PRKD3: variants seen among roughly 807,000 people sequenced by gnomAD.
The protein encoded by PRKD3 is serine/threonine-protein kinase D3.
Under a neutral mutation model 99.2 loss-of-function variants are expected in PRKD3, and 47 were observed. The ratio of observed to expected loss-of-function variants is 0.47; its 90% CI spans 0.38 to 0.60. PRKD3 has a LOEUF of 0.60. Ranked by LOEUF, PRKD3 falls within the 20% of genes least tolerant of loss-of-function variation. The pLI, the probability that PRKD3 is intolerant of heterozygous loss-of-function variation, is 0.00. For missense variants in PRKD3, 1,019 were observed against 1,088.4 expected (o/e 0.94, Z 0.90); for synonymous variants, 392 against 355.4 (o/e 1.10, Z -1.16).
chr2:37,264,482 G>A (rs1255456753), intron 14 of PRKD3, among the ~76,000 whole-genome samples: 1 of 132,134 alleles, frequency 7.6e-6, no homozygotes, highest in Non-Finnish European at 1.6e-5. Context: ...GGTGATAAGT[G>A]CCATGGAGAA....
chr2:37,288,795 C>G (rs967408746), intron 5 of PRKD3, among the ~76,000 whole-genome samples: 3 of 152,172 alleles, frequency 2.0e-5, no homozygotes, highest in Non-Finnish European at 4.4e-5. Flanking sequence ...GTGCCTCATG[C>G]CTGCGATCCC....
intron 6 of PRKD3, among the ~76,000 whole-genome samples, chr2:37,285,862 G>C (rs1300627227): frequency 6.6e-6 from 1 of 152,022 alleles, no homozygotes; most frequent in African/African-American, 2.4e-5. Context: ...ATTACTATTA[G>C]TAGTTAATAG....
rs146226850 is a variant in PRKD3, at chr2:37,314,865, C to T, written c.288+1372G>A. The stretch of plus-strand genomic sequence containing the variant: ...GGAAGGGAAACTAAAAGCAAAGCTA[C>T]GGAAGGATACAATGCTCTACAGGTC... On this transcript the variant is annotated intron_variant, in intron 2 of 18. Transcript: ENST00000234179. Among the ~76,000 whole-genome samples, 56 of 152,126 alleles carry T rather than the reference C, an allele frequency of 3.7e-4. No individual in the cohort carries two copies. The East Asian group carries it at 9.3e-3, about 25-fold the overall frequency.
chr2:37,253,956 A>G (rs1411909339), intron 18 of PRKD3, among the ~76,000 whole-genome samples: 1 of 152,212 alleles, frequency 6.6e-6, no homozygotes, highest in Non-Finnish European at 1.5e-5. Context: ...CTAATCTTAC[A>G]AAAAGGTGAA....
In PRKD3 at chr2:37,262,900, C is replaced by CT. The variant is rs539857323; in HGVS notation, c.1885-2517_1885-2516insA. ...CAAAGTATCCTAAGATTCCTTCCCC[C>CT]CCCCGTATTTGTGGTTATCTCCCTA... On this transcript the variant is annotated intron_variant, in intron 14 of 18. Transcript: ENST00000234179. Among the ~76,000 whole-genome samples, 34 of 147,608 alleles carry CT rather than the reference C, an allele frequency of 2.3e-4. No individual in the cohort carries two copies. The East Asian group carries it at 5.4e-3, about 24-fold the overall frequency.
At chr2:37,271,167 A>C (rs1302966512) in intron 12 of PRKD3, among the ~76,000 whole-genome samples, 3 of 152,172 alleles carry the variant, frequency 2.0e-5, no homozygotes, top group Non-Finnish European at 1.5e-5. Context: ...AAAAATAGAG[A>C]TTTTAATCTG....
chr2:37,318,543 A>G (rs1044812652), intron 1 of PRKD3, among the ~76,000 whole-genome samples: 1 of 152,232 alleles, frequency 6.6e-6, no homozygotes, highest in African/African-American at 2.4e-5. Context: ...ACAAGGAACT[A>G]AGAATCACTG....
chr2:37,272,570 C>A, intron 11 of PRKD3, 138 bp from the exon 12 acceptor site: 1 of 1,094,024 alleles, frequency 9.1e-7, no homozygotes, highest in Non-Finnish European at 1.2e-6. Flanking sequence ...ACAAAATCTA[C>A]ACATACAACC....
chr2:37,320,295 C>A (rs953104068), intron 1 of PRKD3, among the ~76,000 whole-genome samples: 34 of 152,166 alleles, frequency 2.2e-4, no homozygotes, highest in African/African-American at 7.7e-4. Context: ...AACAACCTAA[C>A]AATGGAACAG....
chr2:37,299,978 T>C (rs1028414143), intron 2 of PRKD3, among the ~76,000 whole-genome samples: 8 of 151,886 alleles, frequency 5.3e-5, no homozygotes, highest in Non-Finnish European at 1.0e-4. Context: ...AGCACGGAGG[T>C]TGCCAAAAAT....
At chr2:37,269,007 C>G (rs1669035668) in intron 13 of PRKD3, 1 of 153,624 alleles carries the variant, frequency 6.5e-6, no homozygotes, top group Non-Finnish European at 1.4e-5. Context: ...ACTACTGTAC[C>G]AAGTCTTAGC....
chr2:37,290,663 C>T (rs773993790), intron 4 of PRKD3, among the ~76,000 whole-genome samples: 23 of 152,274 alleles, frequency 1.5e-4, no homozygotes, highest in Non-Finnish European at 2.9e-4. Flanking sequence ...ATGTATTTTA[C>T]GAGAAATTAA....
chr2:37,253,772 A>G (rs1667707705), intron 18 of PRKD3, among the ~76,000 whole-genome samples: 1 of 152,198 alleles, frequency 6.6e-6, no homozygotes, highest in African/African-American at 2.4e-5. Context: ...CTCACTCCCT[A>G]TAAAATAGTT....
intron 1 of PRKD3, 41 bp from the exon 2 acceptor site, chr2:37,317,220 C>A: frequency 1.3e-6 from 1 of 778,520 alleles, no homozygotes; most frequent in Non-Finnish European, 1.6e-6. Flanking sequence ...ACTTTATATT[C>A]ATTCGACATT....
At chr2:37,312,007 C>A (rs77872873) in intron 2 of PRKD3, among the ~76,000 whole-genome samples, 3,436 of 152,302 alleles carry the variant, frequency 0.023, 61 homozygotes, top group Middle Eastern at 0.051. Context: ...TTGTAAACAT[C>A]CTGATCCTTG....
intron 2 of PRKD3, among the ~76,000 whole-genome samples, chr2:37,302,514 C>A (rs987549347): frequency 6.6e-6 from 1 of 152,158 alleles, no homozygotes; most frequent in Non-Finnish European, 1.5e-5. Context: ...CCAATAGTTG[C>A]AAACAAAATT....
intron 2 of PRKD3, among the ~76,000 whole-genome samples, chr2:37,297,759 G>A (rs1670737270): frequency 6.6e-6 from 1 of 152,136 alleles, no homozygotes; most frequent in Non-Finnish European, 1.5e-5. Context: ...GGGTTTTGGG[G>A]AGGCAGACCA....
Position 37,253,203 on chromosome 2 carries a change from G to C in PRKD3, c.2647C>G (p.Pro883Ala). The change falls in exon 19 of 19, where the codon CCA becomes GCA. Residue 883 changes from proline (P) to alanine (A), a missense_variant. Coordinates refer to ENST00000234179, the MANE Select transcript of PRKD3 (RefSeq NM_005813.6). ...TAAGGATCTTCTTCCATATCATCTG[G>C]ATTAGGAGCCATAATGAAGTGCTTT... ...YPKHFIMAPN[P>A]DDMEEDP is the part of the protein sequence containing the mutation. 2 of 1,609,354 alleles carry C rather than the reference G, an allele frequency of 1.2e-6. No homozygotes were observed. Among genetic ancestry groups the C allele is most frequent in the Non-Finnish European group, 1.7e-6 (2 of 1,177,440 alleles).
At position 37,256,811 on chromosome 2, in the gene PRKD3, C is replaced by T. The variant is rs997100280; in HGVS notation, c.2264G>A (p.Arg755His). The T allele has an allele frequency of 1.9e-6, 3 of 1,613,892 alleles. No individual in the cohort carries two copies. Among genetic ancestry groups the T allele is most frequent in the Non-Finnish European group, 2.5e-6 (3 of 1,179,984 alleles). Residue 755 changes from arginine to histidine, a missense_variant, in exon 17 of 19, where the codon CGT (arginine) becomes CAT (histidine). Around this residue, in one of 3 missense-constraint regions of PRKD3, gnomAD observed 184 missense variants for 275.1 expected, o/e 0.67. Coordinates refer to ENST00000234179, the MANE Select transcript of PRKD3 (RefSeq NM_005813.6). ...TCCCACTGACCACATATCTAGGGAACGGTTGTAACCTTTGCTCCGGAGAAC... is the reference window on the plus strand; with the variant it reads ...TCCCACTGACCACATATCTAGGGAATGGTTGTAACCTTTGCTCCGGAGAAC... ...PEVLRSKGYN[R>H]SLDMWSVGVI...
Sources: gnomAD v4.1 joint callset for allele counts (sites outside exome capture counted in the v4.1 genomes callset) on GRCh38, gnomAD v4.1.1 for gene constraint, gnomAD v4.1.1 regional missense constraint, MANE v1.5 for transcripts, NCBI Gene and HGNC (gene_info 2026-07-23, HGNC 2026-07-21) for gene names.